TSKS: variants seen among roughly 807,000 people sequenced by gnomAD.
TSKS encodes the protein testis-specific serine kinase substrate.
TSKS carries 27 observed loss-of-function variants against 68.0 expected under a neutral mutation model. The ratio of observed to expected loss-of-function variants is 0.40; its 90% CI spans 0.29 to 0.55. The LOEUF (loss-of-function observed/expected upper bound fraction) is 0.55, where lower values mean the gene tolerates loss of function less well. Ranked by LOEUF, TSKS falls within the 20% of genes least tolerant of loss-of-function variation. The probability of loss-of-function intolerance (pLI) is 0.53; values close to 1 mark genes in which losing one functional copy is unlikely to be tolerated. For missense variants in TSKS, 806 were observed against 776.0 expected (o/e 1.04, Z -0.46); for synonymous variants, 331 against 340.4 (o/e 0.97, Z 0.30).
chr19:49,740,212 G>C (rs891591733), intron 9 of TSKS, 29 bp from the exon 10 acceptor site: 1 of 1,597,862 alleles, frequency 6.3e-7, no homozygotes, highest in Non-Finnish European at 8.5e-7. Context: ...GCGTAGCTGG[G>C]CTTGCTGGAC....
At chr19:49,750,906 C>T (rs2084344733) in intron 2 of TSKS, among the ~76,000 whole-genome samples, 1 of 152,176 alleles carries the variant, frequency 6.6e-6, no homozygotes, top group Non-Finnish European at 1.5e-5. Context: ...AATAAGTTTC[C>T]TCCCTTGTGA....
intron 9 of TSKS, 130 bp from the exon 10 acceptor site, chr19:49,740,313 G>T: frequency 1.7e-6 from 2 of 1,190,110 alleles, no homozygotes; most frequent in Non-Finnish European, 2.3e-6. Context: ...TTCCCATCAT[G>T]CCTTGAGCTT....
chr19:49,752,367 G>C (rs1302438525), intron 2 of TSKS, among the ~76,000 whole-genome samples: 1 of 140,462 alleles, frequency 7.1e-6, no homozygotes, highest in Non-Finnish European at 1.5e-5. Context: ...CTGGGCAACA[G>C]AGCAAAACTC....
intron 2 of TSKS, among the ~76,000 whole-genome samples, chr19:49,755,034 T>C (rs1202789015): frequency 6.6e-6 from 1 of 151,290 alleles, no homozygotes; most frequent in Non-Finnish European, 1.5e-5. Context: ...GAGGCAGAGG[T>C]TGCAATGAGC....
chr19:49,744,190 C>A (rs2084276433), intron 8 of TSKS, 41 bp downstream of exon 8: 1 of 1,594,242 alleles, frequency 6.3e-7, no homozygotes, highest in Non-Finnish European at 8.6e-7. Flanking sequence ...CCTTTAATGT[C>A]CTATCCACAA....
chr19:49,739,990 T>C, intron 10 of TSKS, 58 bp from the exon 11 acceptor site: 1 of 1,608,536 alleles, frequency 6.2e-7, no homozygotes. Context: ...GGTGTTGGAG[T>C]GGAAGGGGAG....
intron 2 of TSKS, among the ~76,000 whole-genome samples, chr19:49,754,606 A>T (rs1430743487): frequency 1.3e-5 from 2 of 152,178 alleles, no homozygotes; most frequent in African/African-American, 4.8e-5. Context: ...AGCAGTCAAG[A>T]GAAACTGTTC....
chr19:49,759,327 G>A (rs1433915032), intron 2 of TSKS, among the ~76,000 whole-genome samples: 1 of 151,692 alleles, frequency 6.6e-6, no homozygotes, highest in Non-Finnish European at 1.5e-5. Context: ...AAATTAGCCG[G>A]GCGTGGTGGC....
At chr19:49,745,432 G>C in intron 6 of TSKS, 36 bp from the exon 7 acceptor site, 1 of 1,459,180 alleles carries the variant, frequency 6.9e-7, no homozygotes, top group Non-Finnish European at 9.1e-7. Context: ...GTAGGGGCTA[G>C]GCTTCAACAG....
At chr19:49,753,953 C>T (rs560932509) in intron 2 of TSKS, among the ~76,000 whole-genome samples, 1 of 148,800 alleles carries the variant, frequency 6.7e-6, no homozygotes, top group East Asian at 2.1e-4. Flanking sequence ...GGCATGATCT[C>T]GGCTCACTGC....
At chr19:49,757,932 C>T (rs908800157) in intron 2 of TSKS, among the ~76,000 whole-genome samples, 12 of 149,814 alleles carry the variant, frequency 8.0e-5, no homozygotes, top group African/African-American at 3.0e-4. Flanking sequence ...CACTCTGTCA[C>T]CAGGCTGGAG....
intron 2 of TSKS, among the ~76,000 whole-genome samples, chr19:49,749,348 C>T (rs894078762): frequency 1.3e-5 from 2 of 152,152 alleles, no homozygotes; most frequent in African/African-American, 2.4e-5. Context: ...AGATTCAGAA[C>T]GCTTGTTTTA....
chr19:49,740,462 C>T (rs2084243092), intron 9 of TSKS: 1 of 429,166 alleles, frequency 2.3e-6, no homozygotes, highest in South Asian at 3.4e-5. Flanking sequence ...TCGTCTGTCT[C>T]CTAAGCTCAT....
rs369295218 is a variant in TSKS, at chr19:49,751,069, C to T, written c.400-2600G>A. 9.9e-5 allele frequency among the ~76,000 whole-genome samples: 15 copies of T among 151,634 alleles called. No individual in the cohort carries two copies. In the South Asian group the frequency reaches 1.3e-3, roughly 13 times the overall value. ...CTGTAATCCCAGCACTTTGGGAGGC[C>T]GAGGTGGGTGGATCACTTGAGGTCA... On this transcript the variant is annotated intron_variant, in intron 2 of 10. Coordinates refer to ENST00000246801, the MANE Select transcript of TSKS (RefSeq NM_021733.2).
intron 2 of TSKS, among the ~76,000 whole-genome samples, chr19:49,754,500 AAAAAAAT>A (rs940135971): frequency 3.3e-5 from 5 of 151,826 alleles, no homozygotes; most frequent in Non-Finnish European, 5.9e-5. Flanking sequence ...CTCCATCTCA[AAAAAAAT>A]AAAAAATAAA....
chr19:49,749,923 CTCTTT>C (rs1207522798), intron 2 of TSKS, among the ~76,000 whole-genome samples: 2 of 151,950 alleles, frequency 1.3e-5, no homozygotes, highest in Non-Finnish European at 1.5e-5. Flanking sequence ...TTTTTTCTCT[CTCTTT>C]TATTTATTTT....
rs370387022 is a variant in TSKS at position 49,745,303 on chromosome 19, G to A, written c.1086C>T (p.Val362=). 6 of 1,604,934 alleles carry A rather than the reference G, an allele frequency of 3.7e-6. No individual in the cohort carries two copies. The highest frequency in any genetic ancestry group is 5.1e-6 in the Non-Finnish European group (6 of 1,179,420). The stretch of plus-strand genomic sequence containing the variant: ...GCTCCCACTGGCCTAGGAAGCCGTC[G>A]ACCCTGCCGCCCAGGCCCCCGAGCA... The part of the protein sequence containing the change: ...LRLLGGLGGR[V]DGFLGQWERA... The change falls in exon 7 of 11, where the codon GTC becomes GTT. Residue 362 remains valine, a synonymous_variant. Transcript: ENST00000246801.
At chr19:49,740,411 T>G in intron 9 of TSKS, 1 of 552,790 alleles carries the variant, frequency 1.8e-6, no homozygotes. Flanking sequence ...TGTCCCATGA[T>G]GCACTGACCT....
chr19:49,757,830 CAG>C (rs1374200018), intron 2 of TSKS, among the ~76,000 whole-genome samples: 2 of 151,394 alleles, frequency 1.3e-5, no homozygotes, highest in African/African-American at 4.9e-5. Flanking sequence ...CCCCAAATCT[CAG>C]AGTCTCTGAC....
Sources: allele counts gnomAD v4.1 joint callset (sites outside exome capture counted in the v4.1 genomes callset), GRCh38; gene constraint gnomAD v4.1.1; transcripts MANE v1.5; gene names NCBI Gene and HGNC (gene_info 2026-07-23, HGNC 2026-07-21).